The following KCTD15 variants were observed in gnomAD, a reference collection of about 807,000 sequenced individuals.
KCTD15 encodes the protein BTB/POZ domain-containing protein KCTD15.
KCTD15 carries 11 observed loss-of-function variants against 27.2 expected under a neutral mutation model. The observed-to-expected ratio is 0.41, with a 90% CI of 0.25 to 0.67. The LOEUF (loss-of-function observed/expected upper bound fraction) is 0.67, where lower values mean the gene tolerates loss of function less well. KCTD15 is among the 30% of genes least tolerant of loss of function. The pLI, the probability that KCTD15 is intolerant of heterozygous loss-of-function variation, is 0.35. For missense variants in KCTD15, 350 were observed against 409.3 expected, an observed-to-expected ratio of 0.86 and a Z score of 1.25; for synonymous variants, 163 against 176.0, an observed-to-expected ratio of 0.93 and a Z score of 0.58.
At chr19:33,808,857 C>T (rs1400796182) in intron 5 of KCTD15, among the ~76,000 whole-genome samples, 3 of 152,130 alleles carry the variant, frequency 2.0e-5, no homozygotes, top group African/African-American at 4.8e-5. Flanking sequence ...CTGTTTAGTA[C>T]AGGCACAGTG....
Position 33,813,601 on chromosome 19 carries a change from T to G in KCTD15, c.*653T>G. 1 of 335,532 alleles carries G rather than the reference T, an allele frequency of 3.0e-6. No homozygotes were observed. Among genetic ancestry groups the G allele is most frequent in the South Asian group, 2.2e-5 (1 of 44,886 alleles). 20.8% of individuals were successfully genotyped at this position (335,532 alleles called of 1,614,324 possible). A position where few individuals can be genotyped will look rare whatever the true frequency, so the allele number is the denominator to read the frequency against. Reference sequence around the variant, plus strand: ...TGGGGGCCTGAGGGCTGAGTGATTCTGTAACCACCTGAGACCTTCACGTTT... The same window carrying G: ...TGGGGGCCTGAGGGCTGAGTGATTCGGTAACCACCTGAGACCTTCACGTTT... On this transcript the variant is annotated 3_prime_UTR_variant, in exon 7 of 7. Coordinates refer to ENST00000683859, the MANE Select transcript of KCTD15 (RefSeq NM_001129994.2).
rs894208878 is a variant in KCTD15, at chr19:33,801,217, C to T, written c.117C>T (p.Pro39=). 8 of 1,612,926 alleles carry T rather than the reference C, an allele frequency of 5.0e-6. No individual in the cohort carries two copies. Among genetic ancestry groups the T allele is most frequent in the African/African-American group, 1.3e-5 (1 of 74,908 alleles). ...CTCTCACCCGGTCGCCTGTGTCTCCCCTGGCTGCCCAGGGCATCCCCCTGC... is the reference window on the plus strand; with the variant it reads ...CTCTCACCCGGTCGCCTGTGTCTCCTCTGGCTGCCCAGGGCATCCCCCTGC... ...RLSLTRSPVS[P]LAAQGIPLPA... is the part of the protein sequence containing the mutation. Residue 39 remains proline, a synonymous_variant, in exon 4 of 7, where the codon CCC becomes CCT. Coordinates refer to ENST00000683859, the MANE Select transcript of KCTD15 (RefSeq NM_001129994.2).
chr19:33,795,060 G>A (rs1433530798), upstream of KCTD15, among the ~76,000 whole-genome samples: 2 of 152,236 alleles, frequency 1.3e-5, no homozygotes, highest in Non-Finnish European at 2.9e-5. Context: ...TTCTGTTCCA[G>A]GAGCAGCTCA....
intron 5 of KCTD15, 137 bp downstream of exon 5, chr19:33,807,144 G>A (rs1241802406): frequency 1.9e-6 from 2 of 1,079,518 alleles, no homozygotes; most frequent in East Asian, 2.5e-5. Flanking sequence ...GGCTAAATCA[G>A]TTTTTCTAAA....
At chr19:33,797,576 G>A (rs1182827224) in intron 1 of KCTD15, among the ~76,000 whole-genome samples, 1 of 152,106 alleles carries the variant, frequency 6.6e-6, no homozygotes, top group Non-Finnish European at 1.5e-5. Context: ...CGCGATGGGA[G>A]GGATCGCCGC....
chr19:33,801,949 A>T (rs927566660), intron 4 of KCTD15, among the ~76,000 whole-genome samples: 1 of 152,142 alleles, frequency 6.6e-6, no homozygotes, highest in African/African-American at 2.4e-5. Context: ...CACATACCTC[A>T]TCAGTGGATA....
At chr19:33,800,271 T>G (rs1003689422) in intron 2 of KCTD15, among the ~76,000 whole-genome samples, 157 bp from the exon 3 acceptor site, 3 of 151,696 alleles carry the variant, frequency 2.0e-5, no homozygotes, top group Admixed American at 2.0e-4. Flanking sequence ...TGGAGACAGA[T>G]AGAGAGATAG....
rs1345786586 is a variant in KCTD15 at position 33,800,525 on chromosome 19, G to A, written c.66+5G>A. The A allele has an allele frequency of 1.3e-6, 2 of 1,588,260 alleles. No homozygotes were observed. Among genetic ancestry groups the A allele is most frequent in the Admixed American group, 1.8e-5 (1 of 56,100 alleles). On this transcript the variant is annotated splice_donor_5th_base_variant and intron_variant, in intron 3 of 6. Transcript: ENST00000683859. Reference sequence around the variant, plus strand: ...CACGGCAGCACCGGCACCGCGGTGAGCCTGCAGGGTGGGCTGGGTCCCTGC... The same window carrying A: ...CACGGCAGCACCGGCACCGCGGTGAACCTGCAGGGTGGGCTGGGTCCCTGC...
intron 5 of KCTD15, 133 bp from the exon 6 acceptor site, chr19:33,811,114 C>A: frequency 1.3e-6 from 1 of 743,320 alleles, no homozygotes; most frequent in Non-Finnish European, 2.1e-6. Flanking sequence ...GCAACCGGCC[C>A]AGTCCACACA....
chr19:33,808,838 A>C (rs1599684505), intron 5 of KCTD15, among the ~76,000 whole-genome samples: 2 of 152,176 alleles, frequency 1.3e-5, no homozygotes, highest in South Asian at 4.1e-4. Context: ...AAGGTGGCAC[A>C]TCAGACTTCT....
rs1399436393 is a variant in KCTD15, at chr19:33,815,063, A to C, written c.*2115A>C. On this transcript the variant is annotated 3_prime_UTR_variant, in exon 7 of 7. Coordinates refer to ENST00000683859, the MANE Select transcript of KCTD15 (RefSeq NM_001129994.2). The stretch of plus-strand genomic sequence containing the variant: ...TGTTTATTAGCAGGAAGTCTTGTGA[A>C]AACAGCTCGCTGCTGTGTATGTTTA... 1 of 152,234 alleles carries C rather than the reference A, an allele frequency of 6.6e-6. No homozygotes were observed. The highest frequency in any genetic ancestry group is 1.5e-5 in the Non-Finnish European group (1 of 68,040). The allele number at this position is 152,234 out of a possible 1,614,324, so 9.4% of individuals were successfully genotyped here. A position where few individuals can be genotyped will look rare whatever the true frequency, so the allele number is the denominator to read the frequency against.
chr19:33,815,521 T>C lies in KCTD15; in HGVS notation c.*2573T>C, dbSNP rs1976066229. The C allele has an allele frequency of 1.3e-5, 2 of 152,142 alleles. No individual in the cohort carries two copies. The highest frequency in any genetic ancestry group is 4.1e-4 in the South Asian group (2 of 4,824). 9.4% of individuals were successfully genotyped at this position (152,142 alleles called of 1,614,324 possible). Reference sequence around the variant, plus strand: ...AAACCTCAAAACTCATTATTCTTGATTATAAGCAACTGGACAGAACCATGC... The same window carrying C: ...AAACCTCAAAACTCATTATTCTTGACTATAAGCAACTGGACAGAACCATGC... On this transcript the variant is annotated 3_prime_UTR_variant, in exon 7 of 7. Transcript: ENST00000683859.
intron 2 of KCTD15, among the ~76,000 whole-genome samples, 159 bp from the exon 3 acceptor site, chr19:33,800,269 G>C (rs969134628): frequency 6.6e-6 from 1 of 151,858 alleles, no homozygotes; most frequent in African/African-American, 2.4e-5. Context: ...TGTGGAGACA[G>C]ATAGAGAGAT....
chr19:33,813,130 G>A lies in KCTD15; in HGVS notation c.*182G>A, dbSNP rs138922043. 1,576 of 649,800 alleles carry A rather than the reference G, an allele frequency of 2.4e-3. 23 individuals carry two copies. In the African/African-American group the frequency reaches 0.025, roughly 10 times the overall value. 40.3% of individuals were successfully genotyped at this position (649,800 alleles called of 1,614,324 possible). On this transcript the variant is annotated 3_prime_UTR_variant, in exon 7 of 7. Coordinates refer to ENST00000683859, the MANE Select transcript of KCTD15 (RefSeq NM_001129994.2). ...ACAGAACGTGGGATGCTGGAGGCATGCCTGCAGAAGGACTGTTGATGCGAC... is the reference window on the plus strand; with the variant it reads ...ACAGAACGTGGGATGCTGGAGGCATACCTGCAGAAGGACTGTTGATGCGAC...
intron 5 of KCTD15, 106 bp from the exon 6 acceptor site, chr19:33,811,141 A>T: frequency 1.1e-6 from 1 of 939,642 alleles, no homozygotes; most frequent in Non-Finnish European, 1.6e-6. Flanking sequence ...TGCGAGTCGC[A>T]GTTCCTGCAG....
intron 5 of KCTD15, among the ~76,000 whole-genome samples, chr19:33,809,325 C>T (rs1975812346): frequency 6.6e-6 from 1 of 152,048 alleles, no homozygotes; most frequent in Non-Finnish European, 1.5e-5. Context: ...AATTTATTTA[C>T]TTTTCATAAG....
chr19:33,796,312 G>GCGCACCGCTCCCGGGAGGGTCCTGGC (rs1568373224), upstream of KCTD15: 3 of 150,444 alleles, frequency 2.0e-5, no homozygotes, highest in Non-Finnish European at 3.0e-5. Context: ...TGGGGCCTGG[G>GCGCACCGCTCCCGGGAGGGTCCTGGC]CGCACCGCTC....
chr19:33,812,049 A>G (rs1477376698), intron 6 of KCTD15: 3 of 1,393,912 alleles, frequency 2.2e-6, no homozygotes, highest in Non-Finnish European at 1.9e-6. Context: ...GTGAGGGCCT[A>G]TTTTCCAACA....
intron 3 of KCTD15, 86 bp from the exon 4 acceptor site, chr19:33,801,081 A>C: frequency 2.4e-6 from 3 of 1,274,208 alleles, no homozygotes; most frequent in South Asian, 2.8e-5. Context: ...TCACACTCTC[A>C]ATAAAGGGAG....
Sources: gnomAD v4.1 joint callset for allele counts (sites outside exome capture counted in the v4.1 genomes callset) on GRCh38, gnomAD v4.1.1 for gene constraint, MANE v1.5 for transcripts, NCBI Gene and HGNC (gene_info 2026-07-23, HGNC 2026-07-21) for gene names.